The following EGFLAM variants were observed in gnomAD, a reference collection of about 807,000 sequenced individuals.
The protein encoded by EGFLAM is pikachurin.
Under a neutral mutation model 113.1 loss-of-function variants are expected in EGFLAM, and 79 were observed. The observed-to-expected ratio is 0.70, with a 90% CI of 0.58 to 0.84. The LOEUF (loss-of-function observed/expected upper bound fraction) is 0.84, where lower values mean the gene tolerates loss of function less well. Ranked by LOEUF, EGFLAM falls within the 40% of genes least tolerant of loss-of-function variation. The pLI, the probability that EGFLAM is intolerant of heterozygous loss-of-function variation, is 0.00. For missense variants in EGFLAM, 1,265 were observed against 1,291.6 expected, an observed-to-expected ratio of 0.98 and a Z score of 0.32; for synonymous variants, 504 against 487.6, an observed-to-expected ratio of 1.03 and a Z score of -0.44.
chr5:38,444,921 G>A (rs1347699721), intron 17 of EGFLAM, among the ~76,000 whole-genome samples: 1 of 152,158 alleles, frequency 6.6e-6, no homozygotes, highest in Non-Finnish European at 1.5e-5. Flanking sequence ...CTCCAGCCTG[G>A]GCAACAGAGC....
chr5:38,405,879 C>T (rs1741267647), intron 6 of EGFLAM, among the ~76,000 whole-genome samples: 1 of 152,122 alleles, frequency 6.6e-6, no homozygotes, highest in African/African-American at 2.4e-5. Context: ...GACATTTTTG[C>T]CAGTCTTGTC....
In EGFLAM at chr5:38,370,282, T is replaced by A. The variant is rs1220927951; in HGVS notation, c.546-14T>A. 1 of 1,608,862 alleles carries A rather than the reference T, an allele frequency of 6.2e-7. No homozygotes were observed. Among genetic ancestry groups the A allele is most frequent in the South Asian group, 1.1e-5 (1 of 90,814 alleles). ...TCTGAACTACTGCTTCTTCTGTTTTTCTAATCAATAAAGGCCAGATTTCGA... is the reference window on the plus strand; with the variant it reads ...TCTGAACTACTGCTTCTTCTGTTTTACTAATCAATAAAGGCCAGATTTCGA... On this transcript the variant is annotated splice_polypyrimidine_tract_variant and intron_variant, in intron 5 of 21. Coordinates refer to ENST00000322350, the MANE Select transcript of EGFLAM (RefSeq NM_152403.4).
chr5:38,421,817 A>C (rs1741832716), intron 12 of EGFLAM, among the ~76,000 whole-genome samples: 1 of 152,112 alleles, frequency 6.6e-6, no homozygotes, highest in South Asian at 2.1e-4. Context: ...GAGAAGGGAA[A>C]GAAGGACATT....
At chr5:38,410,237 A>G (rs548710307) in intron 10 of EGFLAM, among the ~76,000 whole-genome samples, 5 of 152,222 alleles carry the variant, frequency 3.3e-5, no homozygotes, top group African/African-American at 4.8e-5. Flanking sequence ...GGGCTAGAAA[A>G]TGGGCCCCCA....
At chr5:38,307,077 C>A (rs1303129955) in intron 1 of EGFLAM, among the ~76,000 whole-genome samples, 1 of 152,166 alleles carries the variant, frequency 6.6e-6, no homozygotes, top group African/African-American at 2.4e-5. Flanking sequence ...TCAGGCCAAC[C>A]CACTGATGCT....
At chr5:38,270,329 T>G (rs1228128726) in intron 1 of EGFLAM, among the ~76,000 whole-genome samples, 2 of 152,192 alleles carry the variant, frequency 1.3e-5, no homozygotes, top group African/African-American at 2.4e-5. Flanking sequence ...CCCTCCACAA[T>G]TTAGCCATCC....
chr5:38,407,173 T>G, intron 8 of EGFLAM, 27 bp downstream of exon 8: 1 of 1,547,792 alleles, frequency 6.5e-7, no homozygotes. Flanking sequence ...GAGGAAGAAG[T>G]GGTGATGAAT....
chr5:38,366,057 C>T (rs567212055), intron 5 of EGFLAM, among the ~76,000 whole-genome samples: 7 of 152,176 alleles, frequency 4.6e-5, no homozygotes, highest in African/African-American at 1.4e-4. Context: ...ATGGAAAACA[C>T]AGAAGCTTTC....
At chr5:38,445,600 G>C in intron 17 of EGFLAM, 1 of 1,598,198 alleles carries the variant, frequency 6.3e-7, no homozygotes, top group Non-Finnish European at 8.5e-7. Flanking sequence ...CAAGTGATCT[G>C]CAACCAGAGT....
At chr5:38,446,315 T>G (rs1485671407) in intron 17 of EGFLAM, among the ~76,000 whole-genome samples, 1 of 152,018 alleles carries the variant, frequency 6.6e-6, no homozygotes, top group Non-Finnish European at 1.5e-5. Flanking sequence ...GGCGCCGCCT[T>G]CTTTCCTTTT....
rs544582974 is a variant in EGFLAM, at chr5:38,360,216, G to C, written c.545+7885G>C. On this transcript the variant is annotated intron_variant, in intron 5 of 21. Transcript: ENST00000322350. ...GGATTTTCTTTGAACTGTTCTAAGA[G>C]ATGATGTGATTTGACTCATGGTCAA... Among the ~76,000 whole-genome samples, 4 of 152,328 alleles carry C rather than the reference G, an allele frequency of 2.6e-5. No homozygotes were observed. In the East Asian group the frequency reaches 7.7e-4, roughly 29 times the overall value.
chr5:38,449,482 T>C (rs1473522962), intron 18 of EGFLAM, among the ~76,000 whole-genome samples: 1 of 152,102 alleles, frequency 6.6e-6, no homozygotes, highest in Non-Finnish European at 1.5e-5. Context: ...TCTCCAAAGA[T>C]GGAAGGTCAT....
chr5:38,316,386 C>T (rs1164501820), intron 1 of EGFLAM, among the ~76,000 whole-genome samples: 1 of 152,160 alleles, frequency 6.6e-6, no homozygotes, highest in Non-Finnish European at 1.5e-5. Context: ...GCCCCAGGCT[C>T]TGGAGTGGTC....
At chr5:38,451,268 A>C (rs1411252992) in intron 18 of EGFLAM, 47 bp from the exon 19 acceptor site, 1 of 1,594,458 alleles carries the variant, frequency 6.3e-7, no homozygotes, top group Non-Finnish European at 8.6e-7. Context: ...ACTCGGAAAC[A>C]GATGTTGGTG....
At chr5:38,316,073 T>TC (rs1002308247) in intron 1 of EGFLAM, among the ~76,000 whole-genome samples, 1 of 90,096 alleles carries the variant, frequency 1.1e-5, no homozygotes, top group African/African-American at 7.0e-5. Context: ...CAAGACTCTG[T>TC]CCCAAAAAAA....
chr5:38,459,062 G>C (rs1434352942), intron 20 of EGFLAM, among the ~76,000 whole-genome samples: 1 of 151,956 alleles, frequency 6.6e-6, no homozygotes, highest in African/African-American at 2.4e-5. Flanking sequence ...TTTGAGACAG[G>C]TTCTCGCTCT....
intron 6 of EGFLAM, chr5:38,403,831 G>A (rs778687231): frequency 6.2e-7 from 1 of 1,613,728 alleles, no homozygotes; most frequent in East Asian, 2.2e-5. Context: ...GGCCTTTTGT[G>A]TGAAGACATC....
chr5:38,457,236 A>T (rs1407508067), intron 19 of EGFLAM, among the ~76,000 whole-genome samples: 1 of 152,164 alleles, frequency 6.6e-6, no homozygotes, highest in African/African-American at 2.4e-5. Flanking sequence ...ATTTTTTTTT[A>T]AAAAGTGAAA....
intron 12 of EGFLAM, among the ~76,000 whole-genome samples, chr5:38,419,700 G>T (rs1206416826): frequency 6.6e-6 from 1 of 152,178 alleles, no homozygotes; most frequent in African/African-American, 2.4e-5. Context: ...AGGTTATTGT[G>T]AAGTAGGTGC....
Sources: allele counts gnomAD v4.1 joint callset (sites outside exome capture counted in the v4.1 genomes callset), GRCh38; gene constraint gnomAD v4.1.1; transcripts MANE v1.5; gene names NCBI Gene and HGNC (gene_info 2026-07-23, HGNC 2026-07-21).